The following ZNF385A variants were observed in gnomAD, a reference collection of about 807,000 sequenced individuals.
The protein encoded by ZNF385A is zinc finger protein 385A.
Under a neutral mutation model 32.1 loss-of-function variants are expected in ZNF385A, and 14 were observed. The observed-to-expected ratio is 0.44, with a 90% CI of 0.29 to 0.68. The LOEUF (loss-of-function observed/expected upper bound fraction) is 0.68, where lower values mean the gene tolerates loss of function less well. Ranked by LOEUF, ZNF385A falls within the 30% of genes least tolerant of loss-of-function variation. The pLI is 0.14. For synonymous variants in ZNF385A, 197 were observed against 202.7 expected, an observed-to-expected ratio of 0.97 and a Z score of 0.24; for missense variants, 406 against 478.4, an observed-to-expected ratio of 0.85 and a Z score of 1.41.
intron 1 of ZNF385A, among the ~76,000 whole-genome samples, chr12:54,383,828 A>G (rs952168978): frequency 1.3e-5 from 2 of 152,244 alleles, no homozygotes; most frequent in African/African-American, 4.8e-5. Flanking sequence ...GGGGAGGTGG[A>G]GGCTGCAGTG....
At chr12:54,374,310 C>T (rs1051561952) in intron 2 of ZNF385A, among the ~76,000 whole-genome samples, 175 bp from the exon 3 acceptor site, 3 of 152,132 alleles carry the variant, frequency 2.0e-5, no homozygotes, top group African/African-American at 7.2e-5. Flanking sequence ...GGGGCTCAGA[C>T]TAGCTTCTCA....
At chr12:54,390,685 C>CT (rs1271164521) in intron 1 of ZNF385A, among the ~76,000 whole-genome samples, 2 of 150,854 alleles carry the variant, frequency 1.3e-5, no homozygotes, top group Non-Finnish European at 1.5e-5. Flanking sequence ...CCCAGCCCCT[C>CT]TGCTCCCCAG....
chr12:54,375,979 C>T lies in ZNF385A; in HGVS notation c.88-25G>A, dbSNP rs767712479. The T allele has an allele frequency of 1.6e-5, 25 of 1,595,346 alleles. No homozygotes were observed. In the African/African-American group the frequency reaches 2.1e-4, roughly 14 times the overall value. The stretch of plus-strand genomic sequence containing the variant: ...TCTGTGGAGGCAGGCTGGGGTGAGC[C>T]GGGAACCCTAGCGCAACTCATGTCC... On this transcript the variant is annotated intron_variant, in intron 1 of 6. Transcript: ENST00000394313.
At chr12:54,373,507 AG>A (rs1954669937) in intron 3 of ZNF385A, among the ~76,000 whole-genome samples, 1 of 148,858 alleles carries the variant, frequency 6.7e-6, no homozygotes. Context: ...AACTCTGACT[AG>A]GGAGGTCAAA....
chr12:54,386,339 G>A (rs58790846), upstream of ZNF385A, among the ~76,000 whole-genome samples: 3,059 of 152,156 alleles, frequency 0.02, 111 homozygotes, highest in African/African-American at 0.069. Flanking sequence ...GTCAGAGAGC[G>A]AAATCAGACA....
Position 54,371,569 on chromosome 12 carries a change from T to C in ZNF385A, c.508A>G (p.Ser170Gly), listed in dbSNP as rs372126537. 3.8e-5 allele frequency: 62 copies of C among 1,613,604 alleles called. No homozygotes were observed. Among genetic ancestry groups the C allele is most frequent in the Non-Finnish European group, 5.1e-5 (60 of 1,179,852 alleles). Residue 170 changes from serine to glycine, a missense_variant, in exon 4 of 7, where the codon AGC becomes GGC. Ser to Gly is a moderately conservative substitution (Grantham distance 56). Coordinates refer to ENST00000394313, the MANE Select transcript of ZNF385A (RefSeq NM_015481.3). Reference protein sequence around the residue: ...TPAPASLPGGSKEEEEKAKRL... With the variant: ...TPAPASLPGGGKEEEEKAKRL... The stretch of plus-strand genomic sequence containing the variant: ...TTGGCTTTCTCCTCCTCTTCCTTGC[T>C]ACCCCCAGGCAAGGAAGCCGGGGCT...
intron 1 of ZNF385A, among the ~76,000 whole-genome samples, chr12:54,381,729 T>C (rs943551744): frequency 2.0e-5 from 3 of 152,222 alleles, no homozygotes; most frequent in African/African-American, 7.2e-5. Flanking sequence ...AAGACTACTT[T>C]AAAAATCTTG....
intron 1 of ZNF385A, among the ~76,000 whole-genome samples, chr12:54,383,175 C>T (rs1955288591): frequency 6.7e-6 from 1 of 149,228 alleles, no homozygotes; most frequent in African/African-American, 2.6e-5. Flanking sequence ...AAAAACAAAA[C>T]AAAACAAAAC....
At chr12:54,383,856 T>C (rs1379851856) in intron 1 of ZNF385A, among the ~76,000 whole-genome samples, 4 of 152,232 alleles carry the variant, frequency 2.6e-5, no homozygotes, top group East Asian at 1.9e-4. Context: ...ATCGTGCCAC[T>C]GCACACCAGA....
upstream of ZNF385A, chr12:54,385,125 G>A (rs1349372942): frequency 6.4e-6 from 1 of 157,008 alleles, no homozygotes; most frequent in Admixed American, 6.5e-5. Context: ...ATCTGTGGGG[G>A]TAGGTAGTGG....
chr12:54,371,747 C>A (rs1040377117), intron 3 of ZNF385A, 32 bp from the exon 4 acceptor site: 1 of 1,609,180 alleles, frequency 6.2e-7, no homozygotes, highest in Non-Finnish European at 8.5e-7. Flanking sequence ...GGGGATCACC[C>A]TAGATGGCTC....
intron 1 of ZNF385A, among the ~76,000 whole-genome samples, chr12:54,378,612 A>G (rs1398989221): frequency 3.3e-5 from 5 of 152,112 alleles, no homozygotes; most frequent in Admixed American, 6.5e-5. Flanking sequence ...ACCAAAATTA[A>G]GACGAAAAGG....
In ZNF385A at chr12:54,370,613, A is replaced by T; in HGVS notation, c.870+13T>A. On this transcript the variant is annotated intron_variant, in intron 6 of 6. Coordinates refer to ENST00000394313, the MANE Select transcript of ZNF385A (RefSeq NM_015481.3). This position sits in a 1 kb window ranked among gnomAD's most constrained non-coding sequence, Gnocchi z 5.5. ...GCCCTCCCACTGCTGAATTCCCAGC[A>T]TCCAGGCCTCACCGCCAGCTCCCCG... 2.5e-6 allele frequency: 4 copies of T among 1,590,664 alleles called. No individual in the cohort carries two copies. The highest frequency in any genetic ancestry group is 3.4e-6 in the Non-Finnish European group (4 of 1,168,674).
At chr12:54,386,209 C>CAG (rs554315331), upstream of ZNF385A, among the ~76,000 whole-genome samples, 13,199 of 139,704 alleles carry the variant, frequency 0.094, 2,228 homozygotes, top group East Asian at 0.55. Context: ...CACACACACA[C>CAG]AGAGAGACGG....
chr12:54,381,625 A>G (rs543270571), intron 1 of ZNF385A, among the ~76,000 whole-genome samples: 1 of 152,322 alleles, frequency 6.6e-6, no homozygotes, highest in Admixed American at 6.5e-5. Flanking sequence ...TTTTCTCCCC[A>G]TCTTATGACC....
chr12:54,379,542 G>T (rs1204738224), intron 1 of ZNF385A, among the ~76,000 whole-genome samples: 3 of 151,968 alleles, frequency 2.0e-5, no homozygotes, highest in Non-Finnish European at 4.4e-5. Flanking sequence ...CCTGCTGACA[G>T]TCTGTCTTCA....
At chr12:54,377,034 T>A (rs1592246698) in intron 1 of ZNF385A, among the ~76,000 whole-genome samples, 1 of 152,274 alleles carries the variant, frequency 6.6e-6, no homozygotes, top group African/African-American at 2.4e-5. Flanking sequence ...TTGGGGTCCT[T>A]ATCTCCTCAG....
intron 1 of ZNF385A, chr12:54,391,106 G>A: frequency 1.1e-6 from 1 of 913,696 alleles, no homozygotes. Flanking sequence ...AGATGAAGGG[G>A]GAGGGGGAAC....
intron 1 of ZNF385A, among the ~76,000 whole-genome samples, chr12:54,390,561 G>A (rs544744038): frequency 1.1e-3 from 173 of 152,180 alleles, no homozygotes; most frequent in African/African-American, 4.0e-3. Flanking sequence ...GGCAGGTCTC[G>A]GCGTGTTGGG....
Sources: allele counts gnomAD v4.1 joint callset (sites outside exome capture counted in the v4.1 genomes callset), GRCh38; gene constraint gnomAD v4.1.1; non-coding constraint Gnocchi (gnomAD v3.1); transcripts MANE v1.5; gene names NCBI Gene and HGNC (gene_info 2026-07-23, HGNC 2026-07-21).